Variants in FOCAD observed in about 807,000 individuals in gnomAD.
The protein encoded by FOCAD is focadhesin, also known as KIAA1797.
FOCAD carries 198 observed loss-of-function variants against 225.6 expected under a neutral mutation model. The observed-to-expected ratio is 0.88, with a 90% CI of 0.78 to 0.99. The LOEUF (loss-of-function observed/expected upper bound fraction) is 0.99. Among genes scored for constraint, FOCAD ranks in the 50% least tolerant of loss-of-function variants. The probability of loss-of-function intolerance (pLI) is 0.00; values close to 1 mark genes in which losing one functional copy is unlikely to be tolerated. For synonymous variants in FOCAD, 897 were observed against 755.0 expected (o/e 1.19, Z -3.08); for missense variants, 2,713 against 2,123.6 (o/e 1.28, Z -5.46).
chr9:20,835,981 C>G (rs965373055), intron 15 of FOCAD, among the ~76,000 whole-genome samples: 5 of 152,048 alleles, frequency 3.3e-5, no homozygotes, highest in African/African-American at 9.7e-5. Flanking sequence ...AGTGATTTCC[C>G]CGGAAATACC....
intron 2 of FOCAD, among the ~76,000 whole-genome samples, chr9:20,674,837 T>G (rs1822185256): frequency 1.3e-5 from 2 of 152,236 alleles, no homozygotes; most frequent in Admixed American, 1.3e-4. Context: ...TTATAAGGAC[T>G]GAAATTTAAG....
At chr9:20,702,582 A>G (rs1824046593) in intron 1 of FOCAD, among the ~76,000 whole-genome samples, 1 of 152,248 alleles carries the variant, frequency 6.6e-6, no homozygotes, top group South Asian at 2.1e-4. Flanking sequence ...GATAAAGTTA[A>G]TAGTAGTACT....
chr9:20,880,741 T>C (rs115656213), intron 19 of FOCAD, among the ~76,000 whole-genome samples: 3,255 of 152,300 alleles, frequency 0.021, 48 homozygotes, highest in Admixed American at 0.027. Context: ...AAGGAGACTT[T>C]TAGATAGATC....
Position 20,882,072 on chromosome 9 carries a change from A to G in FOCAD, c.2503+16A>G. 1 of 1,586,352 alleles carries G rather than the reference A, an allele frequency of 6.3e-7. No individual in the cohort carries two copies. Among genetic ancestry groups the G allele is most frequent in the Non-Finnish European group, 8.6e-7 (1 of 1,168,774 alleles). On this transcript the variant is annotated intron_variant, in intron 20 of 43. Transcript: ENST00000338382. The stretch of plus-strand genomic sequence containing the variant: ...GGCCTTGCAGGTAAGGGTAGTACAT[A>G]GTATCAAAAATACAGGTTTTTCATG...
intron 4 of FOCAD, among the ~76,000 whole-genome samples, chr9:20,738,173 T>C (rs977268530): frequency 6.6e-6 from 1 of 152,196 alleles, no homozygotes; most frequent in South Asian, 2.1e-4. Context: ...GTCTAGAAAT[T>C]CAGTGTCAAT....
At chr9:20,934,001 A>C (rs1587654325) in intron 28 of FOCAD, among the ~76,000 whole-genome samples, 1 of 152,130 alleles carries the variant, frequency 6.6e-6, no homozygotes, top group East Asian at 1.9e-4. Flanking sequence ...TCATTTGTAT[A>C]TCTTCTTTTG....
chr9:20,941,093 G>A (rs1218310650), intron 28 of FOCAD, among the ~76,000 whole-genome samples: 1 of 152,182 alleles, frequency 6.6e-6, no homozygotes, highest in Non-Finnish European at 1.5e-5. Flanking sequence ...AAGTGAAACA[G>A]TGGAAGTCTT....
intron 11 of FOCAD, among the ~76,000 whole-genome samples, chr9:20,802,920 CTAAT>C (rs1225153782): frequency 2.0e-5 from 3 of 152,176 alleles, no homozygotes; most frequent in Admixed American, 6.5e-5. Flanking sequence ...TAACACTTGG[CTAAT>C]TAGTTTGTTA....
At chr9:20,734,880 G>T (rs868663838) in intron 4 of FOCAD, among the ~76,000 whole-genome samples, 7 of 151,962 alleles carry the variant, frequency 4.6e-5, no homozygotes, top group African/African-American at 1.5e-4. Flanking sequence ...CAAGCGATTC[G>T]CCCACCTTGG....
chr9:20,809,448 A>AT (rs2131340947), intron 11 of FOCAD, among the ~76,000 whole-genome samples: 1 of 152,250 alleles, frequency 6.6e-6, no homozygotes, highest in Non-Finnish European at 1.5e-5. Context: ...AAATTGATTA[A>AT]TTTAATTCAA....
chr9:20,873,236 C>T (rs776672552), intron 18 of FOCAD, among the ~76,000 whole-genome samples: 2 of 151,984 alleles, frequency 1.3e-5, no homozygotes, highest in Admixed American at 6.6e-5. Flanking sequence ...TGTTTTGCCA[C>T]GTTACTATGA....
intron 15 of FOCAD, among the ~76,000 whole-genome samples, chr9:20,826,455 T>G: frequency 6.6e-6 from 1 of 152,100 alleles, no homozygotes; most frequent in East Asian, 1.9e-4. Context: ...GGATGAAGGC[T>G]ACACTGTCGG....
At chr9:20,878,352 A>C (rs893379749) in intron 19 of FOCAD, among the ~76,000 whole-genome samples, 18 of 152,134 alleles carry the variant, frequency 1.2e-4, no homozygotes, top group Admixed American at 3.3e-4. Context: ...CTGTACTTGT[A>C]TTTGGAGAGT....
chr9:20,735,812 C>G (rs537556685), intron 4 of FOCAD, among the ~76,000 whole-genome samples: 1 of 148,842 alleles, frequency 6.7e-6, no homozygotes, highest in South Asian at 2.2e-4. Context: ...GCACGAGCCA[C>G]TATGCCTGGC....
At chr9:20,679,121 ATGTGTGTGTGTGTG>A (rs539231126) in intron 2 of FOCAD, among the ~76,000 whole-genome samples, 9,293 of 122,040 alleles carry the variant, frequency 0.076, 323 homozygotes, top group Admixed American at 0.11. Context: ...CAGTCTGTGT[ATGTGTGTGTGTGTG>A]TGTGTGTGTG....
upstream of FOCAD, among the ~76,000 whole-genome samples, chr9:20,681,920 T>G (rs1165848077): frequency 6.6e-6 from 1 of 152,148 alleles, no homozygotes; most frequent in Non-Finnish European, 1.5e-5. Context: ...AATCTGAATC[T>G]AGGATAGGTG....
rs531788166 is a variant in FOCAD, at chr9:20,659,921, A to T, written c.-78+1095A>T. 4.6e-5 allele frequency among the ~76,000 whole-genome samples: 7 copies of T among 152,358 alleles called. No homozygotes were observed. The South Asian group carries it at 1.4e-3, about 32-fold the overall frequency. The stretch of plus-strand genomic sequence containing the variant: ...TATGAGAGATAGCTCAGAGGTAAAA[A>T]TTAATGGAGAGAGAGTGGATAAGTT... On this transcript the variant is annotated intron_variant, in intron 2 of 45. Coordinates refer to the FOCAD transcript ENST00000380249.
intron 11 of FOCAD, among the ~76,000 whole-genome samples, chr9:20,806,999 C>T (rs1360665960): frequency 2.0e-5 from 3 of 152,128 alleles, no homozygotes; most frequent in African/African-American, 7.2e-5. Context: ...TTAAGAGATT[C>T]TGTTATAATT....
chr9:20,676,333 C>T (rs950055781), intron 2 of FOCAD, among the ~76,000 whole-genome samples: 7 of 152,098 alleles, frequency 4.6e-5, no homozygotes, highest in South Asian at 2.1e-4. Flanking sequence ...GGCTTAGCAG[C>T]GGTAAAGTTT....
Sources: gnomAD v4.1 joint callset for allele counts (sites outside exome capture counted in the v4.1 genomes callset) on GRCh38, gnomAD v4.1.1 for gene constraint, MANE v1.5 for transcripts, NCBI Gene and HGNC (gene_info 2026-07-23, HGNC 2026-07-21) for gene names.